The following DNM3 variants were observed in gnomAD, a reference collection of about 807,000 sequenced individuals.
DNM3 encodes the protein dynamin-3.
In DNM3, 47 loss-of-function variants were observed where a neutral mutation model predicts 101.6. That is an observed-to-expected ratio of 0.46 (90% confidence interval 0.37 to 0.59). The LOEUF (loss-of-function observed/expected upper bound fraction) is 0.59. Ranked by LOEUF, DNM3 falls within the 20% of genes least tolerant of loss-of-function variation. DNM3 has a pLI of 0.00. For synonymous variants in DNM3, 385 were observed against 387.9 expected, an observed-to-expected ratio of 0.99 and a Z score of 0.09; for missense variants, 849 against 1,085.7, an observed-to-expected ratio of 0.78 and a Z score of 3.06.
chr1:172,093,871 T>C (rs927381851), intron 13 of DNM3: 3 of 679,102 alleles, frequency 4.4e-6, no homozygotes, highest in Non-Finnish European at 7.3e-6. Context: ...ACCCTATCAT[T>C]GAAATAAAAA....
chr1:172,015,181 G>T (rs1341341306), intron 4 of DNM3, among the ~76,000 whole-genome samples: 7 of 152,008 alleles, frequency 4.6e-5, no homozygotes, highest in Admixed American at 3.9e-4. Context: ...CAGCTTTATT[G>T]TAAGTCTTAA....
At chr1:172,071,975 T>C (rs2125948082) in intron 11 of DNM3, among the ~76,000 whole-genome samples, 1 of 152,344 alleles carries the variant, frequency 6.6e-6, no homozygotes, top group South Asian at 2.1e-4. Context: ...TCCAGGAATA[T>C]AATGAGAACA....
intron 15 of DNM3, among the ~76,000 whole-genome samples, chr1:172,294,693 G>A (rs904334926): frequency 6.6e-6 from 1 of 152,006 alleles, no homozygotes; most frequent in Non-Finnish European, 1.5e-5. Flanking sequence ...CAGGAGGATC[G>A]TTTGAGCTCA....
At chr1:171,889,424 G>A (rs2037068484) in intron 1 of DNM3, among the ~76,000 whole-genome samples, 1 of 152,110 alleles carries the variant, frequency 6.6e-6, no homozygotes. Context: ...AAAAATCAAG[G>A]TAGGGGCATA....
At chr1:172,115,375 C>T (rs528936759) in intron 13 of DNM3, among the ~76,000 whole-genome samples, 34 of 152,166 alleles carry the variant, frequency 2.2e-4, no homozygotes, top group Non-Finnish European at 4.0e-4. Context: ...ATTGGCCTCC[C>T]TCCTGCTTCT....
chr1:172,123,531 T>C lies in DNM3; in HGVS notation c.1546-7644T>C, dbSNP rs1183050347. Among the ~76,000 whole-genome samples, 5 of 152,108 alleles carry C rather than the reference T, an allele frequency of 3.3e-5. No homozygotes were observed. The East Asian group carries it at 9.6e-4, about 29-fold the overall frequency. ...TAGGTGAGAGAGACTTTTGAACACT[T>C]TCCTGAATTGAACTTGTCCCTGAAA... On this transcript the variant is annotated intron_variant, in intron 13 of 20. Coordinates refer to ENST00000627582, the MANE Select transcript of DNM3 (RefSeq NM_015569.5).
chr1:172,158,672 A>G (rs907436289), intron 14 of DNM3, among the ~76,000 whole-genome samples: 1 of 152,072 alleles, frequency 6.6e-6, no homozygotes, highest in Admixed American at 6.6e-5. Flanking sequence ...CAAATTTAAA[A>G]TCAATATATA....
intron 2 of DNM3, among the ~76,000 whole-genome samples, chr1:171,986,891 T>C (rs574054238): frequency 7.9e-5 from 12 of 152,326 alleles, no homozygotes; most frequent in African/African-American, 2.9e-4. Context: ...GCTTTTCTTT[T>C]AAATTGTGGT....
At chr1:172,086,977 T>A (rs2053575192) in intron 12 of DNM3, among the ~76,000 whole-genome samples, 1 of 152,188 alleles carries the variant, frequency 6.6e-6, no homozygotes, top group African/African-American at 2.4e-5. Context: ...CCTTAATGCA[T>A]CTGAGCCCTC....
At chr1:172,316,701 T>C (rs537287080) in intron 16 of DNM3, among the ~76,000 whole-genome samples, 1 of 152,150 alleles carries the variant, frequency 6.6e-6, no homozygotes, top group African/African-American at 2.4e-5. Flanking sequence ...ATCCTAAATA[T>C]ATATGCACCC....
At chr1:172,159,643 C>A (rs375306868) in intron 14 of DNM3, among the ~76,000 whole-genome samples, 56 of 152,094 alleles carry the variant, frequency 3.7e-4, no homozygotes, top group African/African-American at 1.3e-3. Context: ...AGGAATTTGG[C>A]AATGTGTGTG....
At chr1:172,130,968 A>T (rs1348337301) in intron 13 of DNM3, among the ~76,000 whole-genome samples, 1 of 152,158 alleles carries the variant, frequency 6.6e-6, no homozygotes, top group Non-Finnish European at 1.5e-5. Flanking sequence ...TTTTTATTCC[A>T]TTCATTGACA....
At chr1:172,033,771 T>A (rs1454850411) in intron 6 of DNM3, among the ~76,000 whole-genome samples, 1 of 152,174 alleles carries the variant, frequency 6.6e-6, no homozygotes, top group African/African-American at 2.4e-5. Flanking sequence ...GATGCTTTTC[T>A]AGATAACCCC....
intron 10 of DNM3, among the ~76,000 whole-genome samples, chr1:172,056,834 G>A (rs1317410479): frequency 1.3e-5 from 2 of 152,198 alleles, no homozygotes; most frequent in Admixed American, 6.5e-5. Context: ...AAGGAACAAA[G>A]CTGGACGGAG....
intron 14 of DNM3, among the ~76,000 whole-genome samples, chr1:172,189,333 C>A (rs913944813): frequency 1.3e-5 from 2 of 151,922 alleles, no homozygotes; most frequent in African/African-American, 4.8e-5. Flanking sequence ...GTTGGCTATT[C>A]TGAGTCTTTT....
intron 13 of DNM3, among the ~76,000 whole-genome samples, chr1:172,117,649 A>T (rs1023614635): frequency 6.6e-5 from 10 of 152,220 alleles, no homozygotes; most frequent in African/African-American, 1.9e-4. Flanking sequence ...TGTTTTTATC[A>T]GCAGTGTGAA....
At chr1:172,351,967 A>C (rs1345889530) in intron 17 of DNM3, among the ~76,000 whole-genome samples, 2 of 152,166 alleles carry the variant, frequency 1.3e-5, no homozygotes, top group Non-Finnish European at 2.9e-5. Flanking sequence ...GCCAAAGGAG[A>C]CTAATACAAT....
At chr1:171,898,110 A>G (rs544746448) in intron 1 of DNM3, among the ~76,000 whole-genome samples, 11 of 152,246 alleles carry the variant, frequency 7.2e-5, no homozygotes, top group Admixed American at 2.6e-4. Flanking sequence ...CAAGAACTTC[A>G]TTTACTTTTA....
At chr1:171,970,196 T>G (rs756151609) in intron 2 of DNM3, 5 of 621,426 alleles carry the variant, frequency 8.0e-6, no homozygotes, top group Non-Finnish European at 8.0e-6. Context: ...CTTGAAATAA[T>G]TTTTAAAATA....
Sources: allele counts gnomAD v4.1 joint callset (sites outside exome capture counted in the v4.1 genomes callset), GRCh38; gene constraint gnomAD v4.1.1; transcripts MANE v1.5; gene names NCBI Gene and HGNC (gene_info 2026-07-23, HGNC 2026-07-21).